AGMO: variants seen among roughly 807,000 people sequenced by gnomAD.
The protein encoded by AGMO is glyceryl-ether monooxygenase.
In AGMO, 75 loss-of-function variants were observed where a neutral mutation model predicts 60.2. The observed-to-expected ratio is 1.25, with a 90% CI of 1.03 to 1.51. The LOEUF is 1.51. AGMO is among the 40% of genes most tolerant of loss of function. The probability of loss-of-function intolerance (pLI) is 0.00; values close to 1 mark genes in which losing one functional copy is unlikely to be tolerated. For synonymous variants in AGMO, 261 were observed against 177.1 expected (o/e 1.47, Z -3.76); for missense variants, 763 against 525.5 (o/e 1.45, Z -4.42).
chr7:15,486,226 G>T (rs1359386701), intron 3 of AGMO, among the ~76,000 whole-genome samples: 2 of 152,146 alleles, frequency 1.3e-5, no homozygotes, highest in African/African-American at 4.8e-5. Flanking sequence ...AGCAAGCTCA[G>T]TGGGTCCAGG....
chr7:15,331,922 C>A (rs1483277542), intron 12 of AGMO, among the ~76,000 whole-genome samples: 2 of 144,208 alleles, frequency 1.4e-5, no homozygotes, highest in Non-Finnish European at 3.0e-5. Flanking sequence ...GTAAAACTGT[C>A]TCAAAAAAAA....
At chr7:15,230,238 A>C (rs1196225555) in intron 12 of AGMO, among the ~76,000 whole-genome samples, 1 of 152,176 alleles carries the variant, frequency 6.6e-6, no homozygotes, top group Non-Finnish European at 1.5e-5. Context: ...ACAGAAATGG[A>C]GGAAACCAGA....
intron 12 of AGMO, among the ~76,000 whole-genome samples, chr7:15,201,685 T>C (rs1052177036): frequency 6.6e-6 from 1 of 152,168 alleles, no homozygotes; most frequent in Non-Finnish European, 1.5e-5. Context: ...CAGCATGCTG[T>C]ATGCATTATA....
chr7:15,264,071 T>G (rs1783361232), intron 12 of AGMO, among the ~76,000 whole-genome samples: 1 of 150,684 alleles, frequency 6.6e-6, no homozygotes, highest in Admixed American at 6.6e-5. Context: ...AAATAAAAAA[T>G]GAAAAATTTA....
intron 12 of AGMO, among the ~76,000 whole-genome samples, chr7:15,340,033 C>T (rs926373679): frequency 6.6e-6 from 1 of 152,114 alleles, no homozygotes; most frequent in Non-Finnish European, 1.5e-5. Flanking sequence ...TATTCCTTAT[C>T]CAAGTTGCTT....
At chr7:15,545,021 TA>T (rs758934025) in intron 2 of AGMO, 98 bp from the exon 3 acceptor site, 18 of 876,350 alleles carry the variant, frequency 2.1e-5, no homozygotes, top group East Asian at 1.3e-4. Flanking sequence ...TATCTTCATA[TA>T]AAAAAATGAA....
Position 15,514,251 on chromosome 7 carries a change from T to C in AGMO, c.409+30521A>G, listed in dbSNP as rs1177210619. ...CGGCTTAGCCCGCTTTTCTTTTCTCTGTTAAAGTTTCTGAGATTGACTATG... is the reference window on the plus strand; with the variant it reads ...CGGCTTAGCCCGCTTTTCTTTTCTCCGTTAAAGTTTCTGAGATTGACTATG... On this transcript the variant is annotated intron_variant, in intron 3 of 12. Coordinates refer to ENST00000342526, the MANE Select transcript of AGMO (RefSeq NM_001004320.2). Among the ~76,000 whole-genome samples, 4 of 152,226 alleles carry C rather than the reference T, an allele frequency of 2.6e-5. 1 individual carries two copies. Among genetic ancestry groups the C allele is most frequent in the Admixed American group, 2.6e-4 (4 of 15,280 alleles).
intron 12 of AGMO, among the ~76,000 whole-genome samples, chr7:15,267,499 C>T (rs1041000305): frequency 2.0e-5 from 3 of 151,970 alleles, no homozygotes; most frequent in Non-Finnish European, 4.4e-5. Flanking sequence ...ATCTACATTT[C>T]CCTTCATTCA....
At chr7:15,119,931 CTT>C in the AGMO span, among the ~76,000 whole-genome samples, 61,079 of 142,782 alleles carry the variant, frequency 0.43, 12,913 homozygotes, top group South Asian at 0.54. Context: ...ATCATGCATG[CTT>C]TTTTTTTTTT....
At chr7:15,346,112 TTC>T (rs1303422713) in intron 12 of AGMO, among the ~76,000 whole-genome samples, 1 of 152,196 alleles carries the variant, frequency 6.6e-6, no homozygotes, top group African/African-American at 2.4e-5. Context: ...TAGCCAAAAA[TTC>T]TGTTAAATTC....
the AGMO span, among the ~76,000 whole-genome samples, chr7:15,171,126 C>T: frequency 2.0e-5 from 3 of 152,022 alleles, no homozygotes; most frequent in Admixed American, 6.5e-5. Flanking sequence ...GGACTGCAGG[C>T]GCCCGCCACC....
intron 3 of AGMO, among the ~76,000 whole-genome samples, chr7:15,515,845 T>G (rs1027048583): frequency 4.6e-5 from 7 of 152,192 alleles, no homozygotes; most frequent in African/African-American, 1.7e-4. Context: ...ATTTTCAAGC[T>G]GTTGATGAAG....
chr7:15,370,406 T>C (rs1193232910), intron 10 of AGMO, among the ~76,000 whole-genome samples: 1 of 152,230 alleles, frequency 6.6e-6, no homozygotes, highest in Non-Finnish European at 1.5e-5. Context: ...CTTTTGGATA[T>C]ATACCCAGTA....
intron 3 of AGMO, among the ~76,000 whole-genome samples, chr7:15,450,251 T>C (rs1781822214): frequency 6.6e-6 from 1 of 151,952 alleles, no homozygotes; most frequent in African/African-American, 2.4e-5. Flanking sequence ...AAACCCCGTC[T>C]CTACTAAAAA....
chr7:15,459,002 A>C (rs1782067434), intron 3 of AGMO, among the ~76,000 whole-genome samples: 1 of 152,192 alleles, frequency 6.6e-6, no homozygotes, highest in African/African-American at 2.4e-5. Flanking sequence ...AATTTCAAAT[A>C]GTTCAATCTA....
At chr7:15,459,111 G>T (rs11773463) in intron 3 of AGMO, among the ~76,000 whole-genome samples, 23,843 of 151,716 alleles carry the variant, frequency 0.16, 2,088 homozygotes, top group African/African-American at 0.22. Context: ...TAAGAAGTGG[G>T]TTTTTTTTCT....
At chr7:15,217,716 G>A (rs1170126682) in intron 12 of AGMO, among the ~76,000 whole-genome samples, 2 of 150,824 alleles carry the variant, frequency 1.3e-5, no homozygotes, top group African/African-American at 2.5e-5. Context: ...TGGAGATATG[G>A]AAGTTAAAAT....
intron 12 of AGMO, among the ~76,000 whole-genome samples, chr7:15,282,353 T>G (rs1783992026): frequency 6.6e-6 from 1 of 151,782 alleles, no homozygotes; most frequent in African/African-American, 2.4e-5. Flanking sequence ...ATGAAAAAAT[T>G]TATAAAGAGA....
intron 12 of AGMO, among the ~76,000 whole-genome samples, chr7:15,267,045 T>C (rs1020193195): frequency 7.2e-5 from 11 of 152,014 alleles, no homozygotes; most frequent in African/African-American, 2.2e-4. Context: ...AAAACTACTT[T>C]ATTTGACCTT....
Sources: allele counts gnomAD v4.1 joint callset (sites outside exome capture counted in the v4.1 genomes callset), GRCh38; gene constraint gnomAD v4.1.1; transcripts MANE v1.5; gene names NCBI Gene and HGNC (gene_info 2026-07-23, HGNC 2026-07-21).